MYO7B: variants seen among roughly 807,000 people sequenced by gnomAD.
MYO7B encodes the protein myosin VIIB.
In MYO7B, 212 loss-of-function variants were observed where a neutral mutation model predicts 259.7. That is an observed-to-expected ratio of 0.82 (90% CI 0.73 to 0.91). The LOEUF (loss-of-function observed/expected upper bound fraction) is 0.91, where lower values mean the gene tolerates loss of function less well. MYO7B is among the 40% of genes least tolerant of loss of function. The probability of loss-of-function intolerance (pLI) is 0.00; values close to 1 mark genes in which losing one functional copy is unlikely to be tolerated. For synonymous variants in MYO7B, 1,197 were observed against 1,166.4 expected (o/e 1.03, Z -0.54); for missense variants, 2,732 against 2,813.5 (o/e 0.97, Z 0.66).
At chr2:127,624,964 G>A (rs896038178) in intron 30 of MYO7B, among the ~76,000 whole-genome samples, 1 of 152,228 alleles carries the variant, frequency 6.6e-6, no homozygotes, top group African/African-American at 2.4e-5. Flanking sequence ...GCTCCAAGAG[G>A]CTTTGGTCTT....
intron 1 of MYO7B, among the ~76,000 whole-genome samples, chr2:127,555,236 C>T (rs147113255): frequency 8.3e-4 from 126 of 152,282 alleles, no homozygotes; most frequent in African/African-American, 2.8e-3. Flanking sequence ...CTTGAGCCAC[C>T]GTGCCTGGCC....
chr2:127,540,326 A>G (rs910811156), intron 1 of MYO7B, among the ~76,000 whole-genome samples: 1 of 151,554 alleles, frequency 6.6e-6, no homozygotes, highest in Non-Finnish European at 1.5e-5. Context: ...ACCACACCCA[A>G]CTAATTTTTG....
In MYO7B at chr2:127,636,402, C is replaced by A; in HGVS notation, c.6123+78C>A. The A allele has an allele frequency of 1.4e-6, 2 of 1,472,320 alleles. No homozygotes were observed. Among genetic ancestry groups the A allele is most frequent in the Non-Finnish European group, 1.9e-6 (2 of 1,057,842 alleles). 91.2% of individuals were successfully genotyped at this position (1,472,320 alleles called of 1,614,324 possible). ...CAGCCCCAGCAGGCCCAGCGTCAAC[C>A]AGCACACATCTTGGGTGGGGCTGGC... is the stretch of plus-strand genomic sequence containing the variant. On this transcript the variant is annotated intron_variant, in intron 45 of 47. Transcript: ENST00000409816. The surrounding 1 kb of genome is among the most constrained non-coding windows in gnomAD (Gnocchi z 4.5).
At chr2:127,567,083 A>C (rs1159696551) in intron 5 of MYO7B, among the ~76,000 whole-genome samples, 1 of 152,172 alleles carries the variant, frequency 6.6e-6, no homozygotes, top group African/African-American at 2.4e-5. Flanking sequence ...GAGTCAAGGA[A>C]GGAAGTTGGG....
intron 38 of MYO7B, 26 bp from the exon 39 acceptor site, chr2:127,632,220 C>T: frequency 6.2e-7 from 1 of 1,605,412 alleles, no homozygotes; most frequent in Non-Finnish European, 8.5e-7. Flanking sequence ...AGGGGCCTTT[C>T]CCGGCTGACA....
chr2:127,561,339 A>T (rs1205096839), intron 2 of MYO7B, among the ~76,000 whole-genome samples: 1 of 151,798 alleles, frequency 6.6e-6, no homozygotes, highest in Non-Finnish European at 1.5e-5. Context: ...GCTCACTGCA[A>T]CCTCGGCCTC....
chr2:127,616,258 G>C (rs1390671696), intron 26 of MYO7B, among the ~76,000 whole-genome samples: 1 of 152,190 alleles, frequency 6.6e-6, no homozygotes, highest in Non-Finnish European at 1.5e-5. Context: ...ATTACCATGA[G>C]AGATCGTATC....
At chr2:127,568,408 C>T (rs1405562679) in intron 5 of MYO7B, among the ~76,000 whole-genome samples, 1 of 152,186 alleles carries the variant, frequency 6.6e-6, no homozygotes, top group Admixed American at 6.5e-5. Flanking sequence ...CCCTTTCCTC[C>T]CCCAGGGCTG....
rs1314980979 is a variant in MYO7B at position 127,631,357 on chromosome 2, T to G, written c.5089T>G (p.Phe1697Val). 5 of 1,606,370 alleles carry G rather than the reference T, an allele frequency of 3.1e-6. No homozygotes were observed. Among genetic ancestry groups the G allele is most frequent in the African/African-American group, 1.3e-5 (1 of 74,942 alleles). ...VDLWDIACQI[F>V]VAILRYMGDY... is the part of the protein sequence containing the mutation. ...CCTCTGGGACATCGCCTGCCAGATCTTTGTCGATATCCTTCCCCACCAGCC... is the reference window on the plus strand; with the variant it reads ...CCTCTGGGACATCGCCTGCCAGATCGTTGTCGATATCCTTCCCCACCAGCC... The change falls in exon 37 of 48, where the codon TTT (phenylalanine) becomes GTT (valine). Residue 1697 changes from phenylalanine (F) to valine (V), a missense_variant. Transcript: ENST00000409816.
In MYO7B at chr2:127,635,925, G is replaced by A. The variant is rs1205281929; in HGVS notation, c.6006+18G>A. The A allele has an allele frequency of 6.4e-7, 1 of 1,556,432 alleles. No individual in the cohort carries two copies. The highest frequency in any genetic ancestry group is 8.7e-7 in the Non-Finnish European group (1 of 1,150,178). Reference sequence around the variant, plus strand: ...GGAAAAAGGTCCCTGGTCGGGCTGGGGAAGGGTTCTTGTGCTGCTGCTCCT... The same window carrying A: ...GGAAAAAGGTCCCTGGTCGGGCTGGAGAAGGGTTCTTGTGCTGCTGCTCCT... On this transcript the variant is annotated intron_variant, in intron 44 of 47. Transcript: ENST00000409816.
In MYO7B at chr2:127,540,017, C is replaced by G. The variant is rs186516203; in HGVS notation, c.-24+4186C>G. 2.6e-5 allele frequency among the ~76,000 whole-genome samples: 4 copies of G among 152,306 alleles called. No homozygotes were observed. The East Asian group carries it at 7.7e-4, about 29-fold the overall frequency. The stretch of plus-strand genomic sequence containing the variant: ...GCTGCCCAAGACATTATTTCATTGC[C>G]TTTTATGGCTGAGTAGTATTCCATG... On this transcript the variant is annotated intron_variant, in intron 1 of 47. Transcript: ENST00000409816.
intron 27 of MYO7B, among the ~76,000 whole-genome samples, chr2:127,621,084 AC>A (rs1219989697): frequency 6.6e-6 from 1 of 152,194 alleles, no homozygotes; most frequent in Non-Finnish European, 1.5e-5. Flanking sequence ...AGCAGGAACC[AC>A]GGTCACTGAA....
Position 127,623,046 on chromosome 2 carries a change from C to T in MYO7B, c.3646-156C>T, listed in dbSNP as rs1393357078. Among the ~76,000 whole-genome samples the T allele has an allele frequency of 2.6e-5, 4 of 152,310 alleles. No individual in the cohort carries two copies. The East Asian group carries it at 7.7e-4, about 29-fold the overall frequency. ...CTGAATTTTGTTTTCTATGCCAAGCCCATGGCCTGGGGCTTCAGAGGGCCC... is the reference window on the plus strand; with the variant it reads ...CTGAATTTTGTTTTCTATGCCAAGCTCATGGCCTGGGGCTTCAGAGGGCCC... On this transcript the variant is annotated intron_variant, in intron 28 of 47. Transcript: ENST00000409816.
chr2:127,567,561 C>A (rs114999936), intron 5 of MYO7B, among the ~76,000 whole-genome samples: 2,048 of 152,296 alleles, frequency 0.013, 41 homozygotes, highest in African/African-American at 0.047. Flanking sequence ...AGTCTGCACC[C>A]GTTGTTCCAG....
intron 43 of MYO7B, 159 bp from the exon 44 acceptor site, chr2:127,635,563 C>A: frequency 1.2e-6 from 1 of 813,536 alleles, no homozygotes; most frequent in East Asian, 2.7e-5. Context: ...CCTGCCCTGA[C>A]TCAGGGTCAT....
At chr2:127,600,468 T>TGGA (rs1679923598) in intron 19 of MYO7B, among the ~76,000 whole-genome samples, 1 of 152,164 alleles carries the variant, frequency 6.6e-6, no homozygotes, top group Admixed American at 6.5e-5. Flanking sequence ...CCCAGCACTT[T>TGGA]GGAGGCCGAG....
chr2:127,626,862 G>A, intron 31 of MYO7B, 113 bp from the exon 32 acceptor site: 1 of 973,636 alleles, frequency 1.0e-6, no homozygotes, highest in Admixed American at 2.2e-5. Context: ...TCCAGACACT[G>A]GCCTTGTAGA....
rs993346966 is a variant in MYO7B at position 127,578,229 on chromosome 2, T to A, written c.946T>A (p.Trp316Arg). 1.9e-6 allele frequency: 3 copies of A among 1,612,870 alleles called. No individual in the cohort carries two copies. The highest frequency in any genetic ancestry group is 2.5e-6 in the Non-Finnish European group (3 of 1,179,576). ...CCTCCAGTTCTCCGACTCCGAGAGC[T>A]GGGACGTCATCAAGCTGCTGGCTGC... ...KILQFSDSESWDVIKLLAAIL... is the reference protein window; with the variant it reads ...KILQFSDSESRDVIKLLAAIL... Residue 316 changes from tryptophan (W) to arginine (R), a missense_variant, in exon 9 of 48, where the codon TGG becomes AGG. Physicochemically the swap from Trp to Arg is moderately radical, Grantham distance 101. This residue lies in a region of MYO7B where 1,906 missense variants were observed against 2,026.4 expected (regional missense o/e 0.94). Transcript: ENST00000409816.
At chr2:127,538,161 G>A (rs1692864047) in intron 1 of MYO7B, among the ~76,000 whole-genome samples, 1 of 152,150 alleles carries the variant, frequency 6.6e-6, no homozygotes, top group Non-Finnish European at 1.5e-5. Flanking sequence ...GGTGGGGAAC[G>A]GGGGATGTTC....
Sources: allele counts gnomAD v4.1 joint callset (sites outside exome capture counted in the v4.1 genomes callset), GRCh38; gene constraint gnomAD v4.1.1; regional missense constraint gnomAD v4.1.1; non-coding constraint Gnocchi (gnomAD v3.1); transcripts MANE v1.5; gene names NCBI Gene and HGNC (gene_info 2026-07-23, HGNC 2026-07-21).